DCDC1: variants seen among roughly 807,000 people sequenced by gnomAD.
DCDC1 encodes doublecortin domain-containing protein 1.
Under a neutral mutation model 178.3 loss-of-function variants are expected in DCDC1, and 200 were observed. The observed-to-expected ratio is 1.12, with a 90% CI of 1.00 to 1.26. The LOEUF (loss-of-function observed/expected upper bound fraction) is 1.26. Ranked by LOEUF, DCDC1 falls within the 50% of genes most tolerant of loss-of-function variation. The pLI is 0.00. For missense variants in DCDC1, 1,983 were observed against 1,749.2 expected (o/e 1.13, Z -2.38); for synonymous variants, 690 against 604.8 (o/e 1.14, Z -2.07).
chr11:31,011,442 A>G (rs1952160251), intron 20 of DCDC1, among the ~76,000 whole-genome samples: 1 of 152,238 alleles, frequency 6.6e-6, no homozygotes, highest in South Asian at 2.1e-4. Context: ...GCAATAGAAA[A>G]TGGGTAAAAG....
chr11:31,190,222 T>G (rs1293990755), intron 9 of DCDC1, among the ~76,000 whole-genome samples: 4 of 152,176 alleles, frequency 2.6e-5, no homozygotes, highest in Non-Finnish European at 5.9e-5. Flanking sequence ...TAACTTATTA[T>G]ATTATCTGAT....
At chr11:31,177,364 A>G (rs773257787) in intron 9 of DCDC1, among the ~76,000 whole-genome samples, 6 of 152,228 alleles carry the variant, frequency 3.9e-5, no homozygotes, top group East Asian at 1.9e-4. Context: ...ACAGAGGTAA[A>G]AAAACAAAAA....
intron 24 of DCDC1, among the ~76,000 whole-genome samples, chr11:30,921,841 A>T (rs1289728239): frequency 6.6e-6 from 1 of 152,168 alleles, no homozygotes; most frequent in Non-Finnish European, 1.5e-5. Flanking sequence ...TGGGAGGTGC[A>T]GCTAAGACCC....
At chr11:31,039,475 G>A (rs186438340) in intron 20 of DCDC1, among the ~76,000 whole-genome samples, 78 of 152,180 alleles carry the variant, frequency 5.1e-4, no homozygotes, top group Admixed American at 2.2e-3. Context: ...TACATTCTCA[G>A]TCACTAATTT....
At chr11:30,954,558 G>C (rs911052243) in intron 20 of DCDC1, among the ~76,000 whole-genome samples, 1 of 152,166 alleles carries the variant, frequency 6.6e-6, no homozygotes, top group African/African-American at 2.4e-5. Context: ...TACAGCAATT[G>C]TATTTATAAT....
intron 23 of DCDC1, 49 bp downstream of exon 23, chr11:30,925,260 A>G: frequency 1.4e-6 from 2 of 1,461,660 alleles, no homozygotes; most frequent in Non-Finnish European, 1.9e-6. Context: ...TCTTTCTTGG[A>G]TGGGGTATTA....
At chr11:31,183,536 C>G (rs570353069) in intron 9 of DCDC1, among the ~76,000 whole-genome samples, 9 of 152,234 alleles carry the variant, frequency 5.9e-5, no homozygotes, top group African/African-American at 1.9e-4. Context: ...TTAGAAAACC[C>G]CATTGTTTCA....
At chr11:31,235,000 T>C (rs1486726867) in intron 9 of DCDC1, among the ~76,000 whole-genome samples, 1 of 152,188 alleles carries the variant, frequency 6.6e-6, no homozygotes, top group Non-Finnish European at 1.5e-5. Flanking sequence ...TTCAAGTACT[T>C]TGCCTGGACA....
chr11:31,169,314 A>C (rs2136211532), intron 9 of DCDC1, among the ~76,000 whole-genome samples: 1 of 152,342 alleles, frequency 6.6e-6, no homozygotes, highest in South Asian at 2.1e-4. Flanking sequence ...TACCTATGTA[A>C]CAAACCTGCA....
chr11:31,348,199 T>C (rs1483412789), intron 1 of DCDC1, among the ~76,000 whole-genome samples: 1 of 152,206 alleles, frequency 6.6e-6, no homozygotes, highest in Non-Finnish European at 1.5e-5. Context: ...CAAAATTTCT[T>C]ACAAATTTCA....
chr11:31,122,375 G>A (rs1418215448), intron 11 of DCDC1, among the ~76,000 whole-genome samples: 2 of 152,158 alleles, frequency 1.3e-5, no homozygotes, highest in African/African-American at 4.8e-5. Flanking sequence ...ATGATTGTCA[G>A]TCCTGCCTAT....
intron 17 of DCDC1, among the ~76,000 whole-genome samples, chr11:31,087,838 G>T (rs1957574058): frequency 6.6e-6 from 1 of 152,094 alleles, no homozygotes; most frequent in Admixed American, 6.6e-5. Flanking sequence ...ATTAGGTAAA[G>T]TTGGTCTGTA....
intron 22 of DCDC1, among the ~76,000 whole-genome samples, chr11:30,930,324 C>T (rs1016654295): frequency 6.6e-6 from 1 of 152,088 alleles, no homozygotes; most frequent in African/African-American, 2.4e-5. Context: ...CCATTTAAAC[C>T]TTCTGTGAAC....
At position 31,287,320 on chromosome 11, in the gene DCDC1, A is replaced by G. The variant is rs1946907774; in HGVS notation, c.960+3327T>C. Among the ~76,000 whole-genome samples, 7 of 151,968 alleles carry G rather than the reference A, an allele frequency of 4.6e-5. No homozygotes were observed. The South Asian group carries it at 1.4e-3, about 31-fold the overall frequency. On this transcript the variant is annotated intron_variant, in intron 7 of 38. Transcript: ENST00000684477. ...TTCATTGGGTTGAGAGGCAAAGATA[A>G]GCAAATCTCCCAGATAAGAAAATTA...
At chr11:31,263,309 G>T (rs1944917611) in intron 8 of DCDC1, among the ~76,000 whole-genome samples, 1 of 151,962 alleles carries the variant, frequency 6.6e-6, no homozygotes, top group South Asian at 2.1e-4. Flanking sequence ...AAATATTGTT[G>T]ATCATAAAGA....
At chr11:31,346,960 T>C (rs1417837009) in intron 1 of DCDC1, among the ~76,000 whole-genome samples, 1 of 152,262 alleles carries the variant, frequency 6.6e-6, no homozygotes, top group Non-Finnish European at 1.5e-5. Flanking sequence ...TCAACATTCA[T>C]AGCATATCAG....
intron 20 of DCDC1, among the ~76,000 whole-genome samples, chr11:30,980,491 T>G (rs1342153445): frequency 1.3e-5 from 2 of 152,150 alleles, no homozygotes; most frequent in African/African-American, 4.8e-5. Context: ...AAGAGATAGC[T>G]CTGTCAGGCA....
At chr11:31,209,671 A>C (rs376836113) in intron 9 of DCDC1, among the ~76,000 whole-genome samples, 1 of 152,222 alleles carries the variant, frequency 6.6e-6, no homozygotes, top group Non-Finnish European at 1.5e-5. Flanking sequence ...TGATTGAGGC[A>C]AAAGTCATTT....
intron 20 of DCDC1, among the ~76,000 whole-genome samples, chr11:31,050,529 C>T (rs1434752881): frequency 1.3e-5 from 2 of 152,204 alleles, no homozygotes; most frequent in East Asian, 1.9e-4. Context: ...AGCACCGTGT[C>T]CTGGCAGGAG....
Sources: gnomAD v4.1 joint callset for allele counts (sites outside exome capture counted in the v4.1 genomes callset) on GRCh38, gnomAD v4.1.1 for gene constraint, MANE v1.5 for transcripts, NCBI Gene and HGNC (gene_info 2026-07-23, HGNC 2026-07-21) for gene names.